The following AKAP8L variants were observed in gnomAD, a reference collection of about 807,000 sequenced individuals.
AKAP8L encodes the protein A-kinase anchor protein 8-like.
Under a neutral mutation model 77.5 loss-of-function variants are expected in AKAP8L, and 34 were observed. The observed-to-expected ratio is 0.44, with a 90% CI of 0.33 to 0.58. The LOEUF is 0.58. AKAP8L is among the 20% of genes least tolerant of loss of function. The pLI, the probability that AKAP8L is intolerant of heterozygous loss-of-function variation, is 0.02. For missense variants in AKAP8L, 806 were observed against 887.6 expected, an observed-to-expected ratio of 0.91 and a Z score of 1.17; for synonymous variants, 342 against 340.7, an observed-to-expected ratio of 1.00 and a Z score of -0.04.
intron 6 of AKAP8L, 22 bp downstream of exon 6, chr19:15,400,925 C>T (rs1045652693): frequency 1.9e-6 from 3 of 1,613,922 alleles, no homozygotes; most frequent in South Asian, 2.2e-5. Context: ...GGCAGCCGCC[C>T]AGTACCACCT....
At position 15,397,942 on chromosome 19, in the gene AKAP8L, G is replaced by A; in HGVS notation, c.1158-87C>T. On this transcript the variant is annotated intron_variant, in intron 9 of 13. Coordinates refer to ENST00000397410, the MANE Select transcript of AKAP8L (RefSeq NM_014371.4). This position sits in a 1 kb window ranked among gnomAD's most constrained non-coding sequence, Gnocchi z 4.7. ...CTCACCCAACCCAGACACAAGCCCT[G>A]AAACAGGCCTTGCTCACGGGCCTCT... 6.6e-7 allele frequency: 1 copy of A among 1,520,530 alleles called. No individual in the cohort carries two copies. Among genetic ancestry groups the A allele is most frequent in the Non-Finnish European group, 8.9e-7 (1 of 1,124,140 alleles). 94.2% of individuals were successfully genotyped at this position (1,520,530 alleles called of 1,614,324 possible). A position where few individuals can be genotyped will look rare whatever the true frequency, so the allele number is the denominator to read the frequency against.
rs1362599970 is a variant in AKAP8L at position 15,403,838 on chromosome 19, T to C, written c.122-123A>G. 2.8e-6 allele frequency: 3 copies of C among 1,071,176 alleles called. No homozygotes were observed. 66.4% of individuals were successfully genotyped at this position (1,071,176 alleles called of 1,614,324 possible). ...CACAGAGAGAGAAGACCCTAGCCACTGAAGCTAGATGGGCCCTGGTCATTC... is the reference window on the plus strand; with the variant it reads ...CACAGAGAGAGAAGACCCTAGCCACCGAAGCTAGATGGGCCCTGGTCATTC... On this transcript the variant is annotated intron_variant, in intron 3 of 13. Transcript: ENST00000397410. The surrounding 1 kb of genome is among the most constrained non-coding windows in gnomAD (Gnocchi z 4.3).
At chr19:15,409,191 C>A (rs1968060929) in intron 2 of AKAP8L, among the ~76,000 whole-genome samples, 1 of 152,142 alleles carries the variant, frequency 6.6e-6, no homozygotes, top group Non-Finnish European at 1.5e-5. Context: ...AGACAAGACA[C>A]ACTGACAAGA....
intron 1 of AKAP8L, among the ~76,000 whole-genome samples, chr19:15,415,131 T>C (rs1968180849): frequency 6.6e-6 from 1 of 152,230 alleles, no homozygotes; most frequent in South Asian, 2.1e-4. Flanking sequence ...TCAACTTTTT[T>C]TGCTCAAAAA....
intron 1 of AKAP8L, among the ~76,000 whole-genome samples, chr19:15,415,476 T>C (rs1032550458): frequency 6.6e-6 from 1 of 152,088 alleles, no homozygotes; most frequent in African/African-American, 2.4e-5. Context: ...TACTTTTCCT[T>C]TCTCCTTTTT....
In AKAP8L at chr19:15,397,192, G is replaced by A. The variant is rs1318766300; in HGVS notation, c.1494C>T (p.Ile498=). ...DLFIPMQFGI[I]QKHLKTMDHN... ...GATCCATGGTCTTCAGATGCTTCTG[G>A]ATGATCCCAAACTGCATGGGAATGA... Residue 498 remains isoleucine (I), a synonymous_variant, in exon 12 of 14, where the codon ATC becomes ATT. Coordinates refer to ENST00000397410, the MANE Select transcript of AKAP8L (RefSeq NM_014371.4). This position sits in a 1 kb window ranked among gnomAD's most constrained non-coding sequence, Gnocchi z 4.7. 3 of 1,613,888 alleles carry A rather than the reference G, an allele frequency of 1.9e-6. No individual in the cohort carries two copies. The highest frequency in any genetic ancestry group is 1.1e-5 in the South Asian group (1 of 91,080).
At chr19:15,386,924 G>T (rs145857862) in intron 12 of AKAP8L, among the ~76,000 whole-genome samples, 1 of 152,300 alleles carries the variant, frequency 6.6e-6, no homozygotes, top group African/African-American at 2.4e-5. Context: ...CTCCCAAAGT[G>T]CTGGGATTAC....
At position 15,401,475 on chromosome 19, in the gene AKAP8L, T is replaced by C. The variant is rs1301089093; in HGVS notation, c.491A>G (p.Tyr164Cys). The C allele has an allele frequency of 6.2e-7, 1 of 1,613,776 alleles. No individual in the cohort carries two copies. The highest frequency in any genetic ancestry group is 8.5e-7 in the Non-Finnish European group (1 of 1,179,892). ...EMAYEGQYDA[Y>C]RDQFRMRGND... The stretch of plus-strand genomic sequence containing the variant: ...GCCACGCATGCGGAACTGGTCGCGG[T>C]AGGCATCGTATTGGCCCTCATAGGC... Residue 164 changes from tyrosine (Y) to cysteine (C), a missense_variant, in exon 5 of 14, where the codon TAC becomes TGC. Tyr to Cys is a radical substitution (Grantham distance 194, BLOSUM62 -2). Coordinates refer to ENST00000397410, the MANE Select transcript of AKAP8L (RefSeq NM_014371.4). This position sits in a 1 kb window ranked among gnomAD's most constrained non-coding sequence, Gnocchi z 6.2.
At position 15,398,085 on chromosome 19, in the gene AKAP8L, T is replaced by C. The variant is rs1034336452; in HGVS notation, c.1158-230A>G. 6 of 543,938 alleles carry C rather than the reference T, an allele frequency of 1.1e-5. No individual in the cohort carries two copies. Among genetic ancestry groups the C allele is most frequent in the Non-Finnish European group, 1.6e-5 (5 of 304,618 alleles). The allele number at this position is 543,938 out of a possible 1,614,324, so 33.7% of individuals were successfully genotyped here. ...AGGGGACAGGGGAGGAGCTCTTCCT[T>C]CCCACAGGCAGGAGGCTGAAGCCTG... On this transcript the variant is annotated intron_variant, in intron 9 of 13. Coordinates refer to ENST00000397410, the MANE Select transcript of AKAP8L (RefSeq NM_014371.4). The surrounding 1 kb of genome is among the most constrained non-coding windows in gnomAD (Gnocchi z 9.2).
In AKAP8L at chr19:15,403,108, T is replaced by C. The variant is rs1471210219; in HGVS notation, c.362+367A>G. ...GTCCCACCCTTCACACCAAACTCCA[T>C]CTGTCCTGCCCTGACACCACGCAGG... On this transcript the variant is annotated intron_variant, in intron 4 of 13. Coordinates refer to ENST00000397410, the MANE Select transcript of AKAP8L (RefSeq NM_014371.4). The surrounding 1 kb of genome is among the most constrained non-coding windows in gnomAD (Gnocchi z 4.3). Among the ~76,000 whole-genome samples, 1 of 152,052 alleles carries C rather than the reference T, an allele frequency of 6.6e-6. No homozygotes were observed. Among genetic ancestry groups the C allele is most frequent in the African/African-American group, 2.4e-5 (1 of 41,400 alleles).
At position 15,410,539 on chromosome 19, in the gene AKAP8L, A is replaced by G. The variant is rs1323378121; in HGVS notation, c.69T>C (p.Ala23=). 3 of 1,587,780 alleles carry G rather than the reference A, an allele frequency of 1.9e-6. No homozygotes were observed. Among genetic ancestry groups the G allele is most frequent in the Non-Finnish European group, 2.6e-6 (3 of 1,166,920 alleles). ...ACTTACCATAATCACAGGTGGGCTGAGCGCTGGTATCCGAGTATGTCGACT... is the reference window on the plus strand; with the variant it reads ...ACTTACCATAATCACAGGTGGGCTGGGCGCTGGTATCCGAGTATGTCGACT... The part of the protein sequence containing the change: ...TLQSTYSDTS[A]QPTCDYGYGT... The change falls in exon 2 of 14, where the codon GCT becomes GCC. Residue 23 remains alanine, a synonymous_variant. Transcript: ENST00000397410.
In AKAP8L at chr19:15,397,731, T is replaced by C. The variant is rs748657036; in HGVS notation, c.1282A>G (p.Thr428Ala). Residue 428 changes from threonine (T) to alanine (A), a missense_variant, in exon 10 of 14, where the codon ACG (threonine) becomes GCG (alanine). By Grantham distance (58) the Thr-to-Ala change is moderately conservative. Coordinates refer to ENST00000397410, the MANE Select transcript of AKAP8L (RefSeq NM_014371.4). This position sits in a 1 kb window ranked among gnomAD's most constrained non-coding sequence, Gnocchi z 4.7. ...AGGCTCACCTGCAGAAAGTCAGCCG[T>C]CTGCTTAGGGAGCTTGGTGCCTACG... ...KYVGTKLPKQ[T>A]ADFLQEYVTN... 2 of 1,613,982 alleles carry C rather than the reference T, an allele frequency of 1.2e-6. No individual in the cohort carries two copies. Among genetic ancestry groups the C allele is most frequent in the South Asian group, 2.2e-5 (2 of 91,082 alleles).
rs760752192 is a variant in AKAP8L, at chr19:15,401,346, GC to G, written c.619del (p.Ala207ProfsTer50). ...YGRMWEDPMG[A>X]RGQCMSGASR... ...GGCACCAGACATGCACTGGCCCCGGGCCCCCATGGGGTCTTCCCACATGCGC... is the reference window on the plus strand; with the variant it reads ...GGCACCAGACATGCACTGGCCCCGGGCCCCATGGGGTCTTCCCACATGCGC... On this transcript the variant is annotated frameshift_variant, in exon 5 of 14. Coordinates refer to ENST00000397410, the MANE Select transcript of AKAP8L (RefSeq NM_014371.4). LOFTEE classifies it high-confidence loss of function. The surrounding 1 kb of genome is among the most constrained non-coding windows in gnomAD (Gnocchi z 6.2). 6.2e-7 allele frequency: 1 copy of G among 1,613,382 alleles called. No homozygotes were observed. The highest frequency in any genetic ancestry group is 8.5e-7 in the Non-Finnish European group (1 of 1,179,870).
At position 15,399,268 on chromosome 19, in the gene AKAP8L, G is replaced by A. The variant is rs369788892; in HGVS notation, c.1157+34C>T. The A allele has an allele frequency of 1.3e-6, 2 of 1,569,098 alleles. No individual in the cohort carries two copies. Among genetic ancestry groups the A allele is most frequent in the African/African-American group, 2.7e-5 (2 of 74,176 alleles). On this transcript the variant is annotated intron_variant, in intron 9 of 13. Transcript: ENST00000397410. This position sits in a 1 kb window ranked among gnomAD's most constrained non-coding sequence, Gnocchi z 6.1. ...TCTCCTGGCGGCAGCCCCACAGCGA[G>A]GCAGAGGCAGAGGGGTGGAGGGAAG...
At position 15,409,270 on chromosome 19, in the gene AKAP8L, G is replaced by T. The variant is rs773808205; in HGVS notation, c.88+1250C>A. Among the ~76,000 whole-genome samples the T allele has an allele frequency of 3.5e-4, 53 of 152,202 alleles. 1 individual carries two copies. The highest frequency in any genetic ancestry group is 5.9e-4 in the Admixed American group (9 of 15,282). ...ATATCCGAGAAATGGCTTGTACTCA[G>T]AATATGCAATCCAGAGGGAAAATAA... is the stretch of plus-strand genomic sequence containing the variant. On this transcript the variant is annotated intron_variant, in intron 2 of 13. Transcript: ENST00000397410.
intron 12 of AKAP8L, among the ~76,000 whole-genome samples, chr19:15,385,761 T>C (rs1466137641): frequency 6.6e-6 from 1 of 151,364 alleles, no homozygotes; most frequent in Admixed American, 6.6e-5. Flanking sequence ...ACCTGGCTAA[T>C]TTTTTTATTT....
In AKAP8L at chr19:15,400,715, TG is replaced by T. The variant is rs768436908; in HGVS notation, c.984+78del. ...CGCAGAGCTGACACAGCATTGCCTCTGGCCCCCAGGGAGAGCACCACTCTTT... is the reference window on the plus strand; with the variant it reads ...CGCAGAGCTGACACAGCATTGCCTCTGCCCCCAGGGAGAGCACCACTCTTT... On this transcript the variant is annotated intron_variant, in intron 7 of 13. Coordinates refer to ENST00000397410, the MANE Select transcript of AKAP8L (RefSeq NM_014371.4). 2.0e-6 allele frequency: 3 copies of T among 1,531,988 alleles called. No homozygotes were observed. In the African/African-American group the frequency reaches 4.1e-5, roughly 21 times the overall value. The allele number at this position is 1,531,988 out of a possible 1,614,324, so 94.9% of individuals were successfully genotyped here.
At chr19:15,407,858 CA>C in intron 2 of AKAP8L, among the ~76,000 whole-genome samples, 1 of 152,174 alleles carries the variant, frequency 6.6e-6, no homozygotes, top group Non-Finnish European at 1.5e-5. Flanking sequence ...CTCTCTCACT[CA>C]AAATCTCAGC....
intron 1 of AKAP8L, among the ~76,000 whole-genome samples, chr19:15,412,766 T>A (rs1160023906): frequency 6.6e-6 from 1 of 152,208 alleles, no homozygotes; most frequent in East Asian, 1.9e-4. Context: ...ATGGTCTCGA[T>A]CTCCTAACCT....
Sources: gnomAD v4.1 joint callset for allele counts (sites outside exome capture counted in the v4.1 genomes callset) on GRCh38, gnomAD v4.1.1 for gene constraint, Gnocchi (gnomAD v3.1) non-coding constraint, MANE v1.5 for transcripts, NCBI Gene and HGNC (gene_info 2026-07-23, HGNC 2026-07-21) for gene names.